Variants in LMAN2 observed in about 807,000 individuals in gnomAD.
LMAN2 encodes lectin, mannose binding 2.
In LMAN2, 22 loss-of-function variants were observed where a neutral mutation model predicts 39.3. That is an observed-to-expected ratio of 0.56 (90% CI 0.40 to 0.80). LMAN2 has a LOEUF of 0.80. LMAN2 is among the 30% of genes least tolerant of loss of function. The pLI, the probability that LMAN2 is intolerant of heterozygous loss-of-function variation, is 0.00. For synonymous variants in LMAN2, 207 were observed against 207.8 expected (o/e 1.00, Z 0.03); for missense variants, 494 against 505.4 (o/e 0.98, Z 0.22).
chr5:177,342,745 G>GA (rs1272486062), intron 2 of LMAN2, among the ~76,000 whole-genome samples: 1 of 148,456 alleles, frequency 6.7e-6, no homozygotes, highest in Non-Finnish European at 1.5e-5. Context: ...AAAATCTAGG[G>GA]AAAAAATGTT....
At chr5:177,343,491 T>C (rs971513009) in intron 2 of LMAN2, among the ~76,000 whole-genome samples, 1 of 80,010 alleles carries the variant, frequency 1.2e-5, no homozygotes, top group Non-Finnish European at 2.6e-5. Context: ...ACTGCAGCAC[T>C]ATTCACAATG....
At chr5:177,342,405 C>T (rs1005376884) in intron 2 of LMAN2, among the ~76,000 whole-genome samples, 3 of 152,056 alleles carry the variant, frequency 2.0e-5, no homozygotes, top group Non-Finnish European at 2.9e-5. Context: ...CAAACCTGGC[C>T]GGTTGCAGTG....
intron 2 of LMAN2, among the ~76,000 whole-genome samples, chr5:177,342,147 TCTCTG>T (rs1205148222): frequency 2.0e-4 from 31 of 152,040 alleles, no homozygotes; most frequent in Non-Finnish European, 3.7e-4. Flanking sequence ...GCACCTAGGA[TCTCTG>T]TATTATTTCC....
intron 2 of LMAN2, among the ~76,000 whole-genome samples, chr5:177,339,253 C>A (rs1761519115): frequency 6.6e-6 from 1 of 152,220 alleles, no homozygotes; most frequent in Admixed American, 6.5e-5. Context: ...ACTGCCACAT[C>A]CACCCTGCTA....
At chr5:177,345,543 A>T (rs1400039121) in intron 2 of LMAN2, among the ~76,000 whole-genome samples, 1 of 152,002 alleles carries the variant, frequency 6.6e-6, no homozygotes, top group Non-Finnish European at 1.5e-5. Flanking sequence ...AACATAAAGA[A>T]ATGGGAAAAA....
chr5:177,334,330 GTCGATGC>G lies in LMAN2; in HGVS notation c.857_863del (p.Ser286ThrfsTer31). ...TGACGCTGGGCTCGATCTTGGTCCAGTCGATGCTCTCCTCGTCGGGCGTGTGCTCCAC... is the reference window on the plus strand; with the variant it reads ...TGACGCTGGGCTCGATCTTGGTCCAGTCTCCTCGTCGGGCGTGTGCTCCAC... On this transcript the variant is annotated frameshift_variant, in exon 7 of 8. Coordinates refer to ENST00000303127, the MANE Select transcript of LMAN2 (RefSeq NM_006816.3). LOFTEE classifies it high-confidence loss of function. 1 of 1,613,250 alleles carries G rather than the reference GTCGATGC, an allele frequency of 6.2e-7. No homozygotes were observed. The highest frequency in any genetic ancestry group is 1.1e-5 in the South Asian group (1 of 91,040).
chr5:177,332,166 G>A lies in LMAN2; in HGVS notation c.991C>T (p.Leu331Phe). 2 of 1,613,690 alleles carry A rather than the reference G, an allele frequency of 1.2e-6. No homozygotes were observed. The highest frequency in any genetic ancestry group is 1.7e-6 in the Non-Finnish European group (2 of 1,179,980). Residue 331 changes from leucine to phenylalanine, a missense_variant, in exon 8 of 8, where the codon CTC (leucine) becomes TTC (phenylalanine). Coordinates refer to ENST00000303127, the MANE Select transcript of LMAN2 (RefSeq NM_006816.3). The surrounding 1 kb of genome is among the most constrained non-coding windows in gnomAD (Gnocchi z 6.3). The part of the protein sequence containing the change: ...WRVFLLLLCA[L>F]LGIVVCAVVG... Reference sequence around the variant, plus strand: ...ACGGCGCAGACAACGATGCCCAGGAGAGCGCACAGCAGCAGCAGGAACACC... The same window carrying A: ...ACGGCGCAGACAACGATGCCCAGGAAAGCGCACAGCAGCAGCAGGAACACC...
Position 177,334,332 on chromosome 5 carries a change from CG to C in LMAN2, c.861del (p.Ile287MetfsTer32). The C allele has an allele frequency of 6.2e-7, 1 of 1,613,378 alleles. No homozygotes were observed. Among genetic ancestry groups the C allele is most frequent in the Non-Finnish European group, 8.5e-7 (1 of 1,180,018 alleles). Reference sequence around the variant, plus strand: ...ACGCTGGGCTCGATCTTGGTCCAGTCGATGCTCTCCTCGTCGGGCGTGTGCT... The same window carrying C: ...ACGCTGGGCTCGATCTTGGTCCAGTCATGCTCTCCTCGTCGGGCGTGTGCT... ...MVEHTPDEESIDWTKIEPSVN... is the reference protein window; with the variant it reads ...MVEHTPDEESXDWTKIEPSVN... On this transcript the variant is annotated frameshift_variant, in exon 7 of 8. Transcript: ENST00000303127. LOFTEE classifies it high-confidence loss of function.
At chr5:177,339,906 C>G (rs551486243) in intron 2 of LMAN2, among the ~76,000 whole-genome samples, 1 of 152,258 alleles carries the variant, frequency 6.6e-6, no homozygotes, top group Non-Finnish European at 1.5e-5. Context: ...TCACTGCTCC[C>G]ACTCTGGGCA....
At chr5:177,342,489 A>G (rs1196951683) in intron 2 of LMAN2, among the ~76,000 whole-genome samples, 24 of 152,152 alleles carry the variant, frequency 1.6e-4, no homozygotes, top group Non-Finnish European at 2.4e-4. Flanking sequence ...GTTCAAGACT[A>G]GCCCAGGCAA....
chr5:177,351,179 G>C lies in LMAN2; in HGVS notation c.309C>G (p.Asn103Lys). 6.2e-7 allele frequency: 1 copy of C among 1,614,022 alleles called. No homozygotes were observed. The highest frequency in any genetic ancestry group is 8.5e-7 in the Non-Finnish European group (1 of 1,179,888). Residue 103 changes from asparagine to lysine, a missense_variant, in exon 2 of 8, where the codon AAC becomes AAG. Physicochemically the swap from Asn to Lys is moderately conservative, Grantham distance 94. Transcript: ENST00000303127. ...CCTCTTGAGAACCACTCACCTGGTG[G>C]TTCCAGATAGAGCCCTCTTTGCTGC... is the stretch of plus-strand genomic sequence containing the variant. The part of the protein sequence containing the change: ...DERSKEGSIW[N>K]HQPCFLKDWE...
At chr5:177,349,454 T>C (rs1761690266) in intron 2 of LMAN2, among the ~76,000 whole-genome samples, 1 of 152,168 alleles carries the variant, frequency 6.6e-6, no homozygotes, top group Non-Finnish European at 1.5e-5. Context: ...GCACTCCAAA[T>C]GTTTCAGGAA....
At chr5:177,333,564 C>A (rs1461434815) in intron 7 of LMAN2, among the ~76,000 whole-genome samples, 1 of 152,266 alleles carries the variant, frequency 6.6e-6, no homozygotes, top group East Asian at 1.9e-4. Flanking sequence ...AAACACGCGG[C>A]CAAACTGGCC....
At chr5:177,348,405 G>T (rs565426767) in intron 2 of LMAN2, among the ~76,000 whole-genome samples, 1 of 152,204 alleles carries the variant, frequency 6.6e-6, no homozygotes, top group African/African-American at 2.4e-5. Flanking sequence ...CTGACATACT[G>T]GCCAGGCACA....
chr5:177,344,222 TAA>T (rs529854661), intron 2 of LMAN2, among the ~76,000 whole-genome samples: 1 of 129,890 alleles, frequency 7.7e-6, no homozygotes, highest in Non-Finnish European at 1.7e-5. Flanking sequence ...CCCCCATCTC[TAA>T]AAAAAAAAAA....
chr5:177,346,694 G>A (rs547294039), intron 2 of LMAN2, among the ~76,000 whole-genome samples: 1 of 151,440 alleles, frequency 6.6e-6, no homozygotes, highest in Admixed American at 6.6e-5. Flanking sequence ...TTGAGATGGG[G>A]TCTTACTATG....
At chr5:177,335,240 G>A (rs928290095) in intron 6 of LMAN2, among the ~76,000 whole-genome samples, 1 of 152,232 alleles carries the variant, frequency 6.6e-6, no homozygotes, top group African/African-American at 2.4e-5. Flanking sequence ...GAGCGGCCCT[G>A]CAGGACAAGG....
Position 177,331,742 on chromosome 5 carries a change from T to G in LMAN2, c.*344A>C, listed in dbSNP as rs1406743958. 5.1e-6 allele frequency: 1 copy of G among 196,544 alleles called. No individual in the cohort carries two copies. Among genetic ancestry groups the G allele is most frequent in the Non-Finnish European group, 1.0e-5 (1 of 95,944 alleles). 12.2% of individuals were successfully genotyped at this position (196,544 alleles called of 1,614,324 possible). Reference sequence around the variant, plus strand: ...GCCACACACCACAAAACAAAATCACTTCCCCACGTCCTCAGGAGCCCACCC... The same window carrying G: ...GCCACACACCACAAAACAAAATCACGTCCCCACGTCCTCAGGAGCCCACCC... On this transcript the variant is annotated 3_prime_UTR_variant, in exon 8 of 8. Coordinates refer to ENST00000303127, the MANE Select transcript of LMAN2 (RefSeq NM_006816.3).
intron 2 of LMAN2, among the ~76,000 whole-genome samples, chr5:177,347,965 A>T (rs1197048230): frequency 2.0e-5 from 3 of 152,170 alleles, no homozygotes; most frequent in South Asian, 2.1e-4. Flanking sequence ...ATAGAAATTT[A>T]AAATTTTAAA....
Sources: allele counts gnomAD v4.1 joint callset (sites outside exome capture counted in the v4.1 genomes callset), GRCh38; gene constraint gnomAD v4.1.1; non-coding constraint Gnocchi (gnomAD v3.1); transcripts MANE v1.5; gene names NCBI Gene and HGNC (gene_info 2026-07-23, HGNC 2026-07-21).